The following MYOZ2 variants were observed in gnomAD, a reference collection of about 807,000 sequenced individuals.
The protein encoded by MYOZ2 is myozenin 2.
MYOZ2 carries 19 observed loss-of-function variants against 25.4 expected under a neutral mutation model. The observed-to-expected ratio is 0.75, with a 90% CI of 0.52 to 1.10. The LOEUF (loss-of-function observed/expected upper bound fraction) is 1.10, where lower values mean the gene tolerates loss of function less well. MYOZ2 is among the 50% of genes least tolerant of loss of function. MYOZ2 has a pLI of 0.00. For missense variants in MYOZ2, 270 were observed against 317.9 expected, an observed-to-expected ratio of 0.85 and a Z score of 1.15; for synonymous variants, 92 against 106.9, an observed-to-expected ratio of 0.86 and a Z score of 0.86.
intron 5 of MYOZ2, among the ~76,000 whole-genome samples, chr4:119,164,854 T>G (rs1741786862): frequency 6.6e-6 from 1 of 152,000 alleles, no homozygotes; most frequent in African/African-American, 2.4e-5. Context: ...ATTTAGAGAC[T>G]TAATGGCCCA....
intron 2 of MYOZ2, among the ~76,000 whole-genome samples, chr4:119,143,512 A>G (rs1741219737): frequency 6.6e-6 from 1 of 152,158 alleles, no homozygotes; most frequent in Non-Finnish European, 1.5e-5. Flanking sequence ...AAATTTCAAC[A>G]TGAGCTTTGG....
chr4:119,173,876 C>T lies in MYOZ2; in HGVS notation c.560+9482C>T, dbSNP rs374036456. On this transcript the variant is annotated intron_variant, in intron 5 of 5. Transcript: ENST00000307128. ...GCATGGGCTTGGCGGGCCCCGCACTCGGAGCAGCCAGCCAGCCCTGCCGGC... is the reference window on the plus strand; with the variant it reads ...GCATGGGCTTGGCGGGCCCCGCACTTGGAGCAGCCAGCCAGCCCTGCCGGC... Among the ~76,000 whole-genome samples the T allele has an allele frequency of 8.1e-4, 123 of 152,336 alleles. 2 individuals are homozygous for T. Among genetic ancestry groups the T allele is most frequent in the Middle Eastern group, 3.4e-3 (1 of 294 alleles).
At chr4:119,136,797 A>G (rs1318389896) in intron 2 of MYOZ2, among the ~76,000 whole-genome samples, 196 bp downstream of exon 2, 1 of 152,084 alleles carries the variant, frequency 6.6e-6, no homozygotes, top group Non-Finnish European at 1.5e-5. Flanking sequence ...TTTGGAAGCT[A>G]TTTTCAGAGG....
At chr4:119,171,009 T>A (rs1047993393) in intron 5 of MYOZ2, among the ~76,000 whole-genome samples, 1 of 152,132 alleles carries the variant, frequency 6.6e-6, no homozygotes, top group Admixed American at 6.5e-5. Context: ...TTAACACTTT[T>A]AAAATAATGA....
intron 2 of MYOZ2, among the ~76,000 whole-genome samples, chr4:119,138,993 A>C (rs369792343): frequency 6.6e-6 from 1 of 152,194 alleles, no homozygotes; most frequent in Admixed American, 6.6e-5. Context: ...AGAATTATTA[A>C]AAAATTCTCT....
At chr4:119,175,468 A>T (rs1380814146) in intron 5 of MYOZ2, among the ~76,000 whole-genome samples, 5 of 152,160 alleles carry the variant, frequency 3.3e-5, no homozygotes, top group African/African-American at 1.2e-4. Context: ...ATTCATTCTT[A>T]AAAAACAATG....
chr4:119,162,800 G>A (rs1189452400), intron 4 of MYOZ2, among the ~76,000 whole-genome samples: 2 of 152,092 alleles, frequency 1.3e-5, no homozygotes, highest in Non-Finnish European at 2.9e-5. Context: ...GGAGACTTTC[G>A]GATAATGCTC....
At chr4:119,151,625 A>T (rs995612903) in intron 3 of MYOZ2, among the ~76,000 whole-genome samples, 1 of 152,182 alleles carries the variant, frequency 6.6e-6, no homozygotes, top group Non-Finnish European at 1.5e-5. Flanking sequence ...TACATTTTAC[A>T]TATTGTATTA....
chr4:119,160,744 C>T (rs1251668385), intron 4 of MYOZ2, among the ~76,000 whole-genome samples: 1 of 151,998 alleles, frequency 6.6e-6, no homozygotes, highest in Non-Finnish European at 1.5e-5. Flanking sequence ...TCCAACGCAA[C>T]TGTTATAGCC....
At chr4:119,138,468 A>AT (rs1741086627) in intron 2 of MYOZ2, among the ~76,000 whole-genome samples, 1 of 152,132 alleles carries the variant, frequency 6.6e-6, no homozygotes, top group Admixed American at 6.5e-5. Flanking sequence ...GGGGAGTATA[A>AT]TTTTTTCTCA....
chr4:119,147,917 T>A (rs1741343543), intron 2 of MYOZ2, among the ~76,000 whole-genome samples: 1 of 152,184 alleles, frequency 6.6e-6, no homozygotes, highest in Non-Finnish European at 1.5e-5. Context: ...TGTATATAGC[T>A]ATATTTCTGC....
Position 119,179,702 on chromosome 4 carries a change from C to T in MYOZ2, c.561-6264C>T, listed in dbSNP as rs10002355. Among the ~76,000 whole-genome samples, 588 of 152,262 alleles carry T rather than the reference C, an allele frequency of 3.9e-3. 6 individuals carry two copies. The highest frequency in any genetic ancestry group is 0.014 in the African/African-American group (565 of 41,538). On this transcript the variant is annotated intron_variant, in intron 5 of 5. Coordinates refer to ENST00000307128, the MANE Select transcript of MYOZ2 (RefSeq NM_016599.5). ...ATTCATAAAGAACAGAAATTTATTT[C>T]CTCACAGTTCTGGAGCTTGGGAAGT... is the stretch of plus-strand genomic sequence containing the variant.
chr4:119,149,861 A>C (rs1003120339), intron 2 of MYOZ2, among the ~76,000 whole-genome samples: 19 of 152,328 alleles, frequency 1.2e-4, no homozygotes, highest in African/African-American at 4.6e-4. Flanking sequence ...TCTCAAAAGA[A>C]AAGTGGGGAG....
Position 119,164,375 on chromosome 4 carries a change from G to GATTACAGGAGCTTT in MYOZ2, c.543_556dup (p.Asn186IlefsTer34). ...GCCTGAAGGAAAGGCAGAACTGCCT[G>GATTACAGGAGCTTT]ATTACAGGAGCTTTAACAGGTAATT... is the stretch of plus-strand genomic sequence containing the variant. On this transcript the variant is annotated frameshift_variant, in exon 5 of 6. Transcript: ENST00000307128. LOFTEE classifies it high-confidence loss of function. 1 of 1,614,030 alleles carries GATTACAGGAGCTTT rather than the reference G, an allele frequency of 6.2e-7. No individual in the cohort carries two copies. Among genetic ancestry groups the GATTACAGGAGCTTT allele is most frequent in the Non-Finnish European group, 8.5e-7 (1 of 1,179,940 alleles).
chr4:119,164,151 G>C, intron 4 of MYOZ2, 60 bp from the exon 5 acceptor site: 1 of 1,463,956 alleles, frequency 6.8e-7, no homozygotes, highest in South Asian at 1.1e-5. Flanking sequence ...TAAAATGTTA[G>C]GTGGAGGTTA....
At chr4:119,154,112 A>G (rs1253246510) in intron 3 of MYOZ2, among the ~76,000 whole-genome samples, 2 of 152,154 alleles carry the variant, frequency 1.3e-5, no homozygotes, top group East Asian at 3.8e-4. Flanking sequence ...AGACCACACT[A>G]AATAATTGGA....
intron 5 of MYOZ2, among the ~76,000 whole-genome samples, chr4:119,173,636 C>T (rs902884012): frequency 1.3e-5 from 2 of 152,218 alleles, no homozygotes; most frequent in African/African-American, 4.8e-5. Flanking sequence ...TCACAGCCCT[C>T]GCTCGCTCTC....
At chr4:119,147,228 T>G (rs975254203) in intron 2 of MYOZ2, among the ~76,000 whole-genome samples, 1 of 152,202 alleles carries the variant, frequency 6.6e-6, no homozygotes, top group African/African-American at 2.4e-5. Context: ...CTTAAGTATG[T>G]AATTTTATTT....
intron 5 of MYOZ2, among the ~76,000 whole-genome samples, chr4:119,176,768 G>C (rs1255736600): frequency 1.3e-5 from 2 of 152,156 alleles, no homozygotes; most frequent in African/African-American, 4.8e-5. Flanking sequence ...AACTTCATAA[G>C]GCATAGTAAT....
Sources: gnomAD v4.1 joint callset for allele counts (sites outside exome capture counted in the v4.1 genomes callset) on GRCh38, gnomAD v4.1.1 for gene constraint, MANE v1.5 for transcripts, NCBI Gene and HGNC (gene_info 2026-07-23, HGNC 2026-07-21) for gene names.